TPMT: variants seen among roughly 807,000 people sequenced by gnomAD.
TPMT encodes S-adenosyl-L-methionine:thiopurine S-methyltransferase.
A neutral mutation model predicts 34.2 loss-of-function variants in TPMT; 18 were observed. The observed-to-expected ratio is 0.53, with a 90% CI of 0.36 to 0.78. The LOEUF is 0.78. TPMT is among the 30% of genes least tolerant of loss of function. The pLI, the probability that TPMT is intolerant of heterozygous loss-of-function variation, is 0.00. For synonymous variants in TPMT, 69 were observed against 92.4 expected (o/e 0.75, Z 1.45); for missense variants, 265 against 288.1 (o/e 0.92, Z 0.58).
At position 18,146,166 on chromosome 6, in the gene TPMT, C is replaced by CAT. The variant is rs561680835; in HGVS notation, c.233+1655_233+1656dup. On this transcript the variant is annotated intron_variant, in intron 3 of 8. Transcript: ENST00000309983. The surrounding 1 kb of genome is among the most constrained non-coding windows in gnomAD (Gnocchi z 6.2). ...TACATGTAATTACAGTAGCTCAGTT[C>CAT]ATATATATATATACATAAAAATAAC... 5.6e-4 allele frequency among the ~76,000 whole-genome samples: 80 copies of CAT among 143,280 alleles called. No individual in the cohort carries two copies. Among genetic ancestry groups the CAT allele is most frequent in the East Asian group, 1.7e-3 (9 of 5,146 alleles). 94.0% of individuals were successfully genotyped at this position (143,280 alleles called of 152,430 possible). A position where few individuals can be genotyped will look rare whatever the true frequency, so the allele number is the denominator to read the frequency against.
At chr6:18,134,461 C>CA (rs11390495) in intron 6 of TPMT, among the ~76,000 whole-genome samples, 91,785 of 151,692 alleles carry the variant, frequency 0.61, 29,873 homozygotes, top group East Asian at 0.8. Context: ...ACAAGCAGGC[C>CA]AAAAAAAGGT....
chr6:18,141,860 C>T (rs1176120217), intron 4 of TPMT, among the ~76,000 whole-genome samples: 3 of 152,164 alleles, frequency 2.0e-5, no homozygotes, highest in African/African-American at 4.8e-5. Context: ...CCTATAAAAT[C>T]GAGCTGCAGA....
chr6:18,139,683 C>T lies in TPMT; in HGVS notation c.401G>A (p.Ser134Asn), dbSNP rs1784107463. 1 of 1,613,526 alleles carries T rather than the reference C, an allele frequency of 6.2e-7. No homozygotes were observed. The highest frequency in any genetic ancestry group is 8.5e-7 in the Non-Finnish European group (1 of 1,179,810). ...AACCTACCTGGGAAGATCAAAAATA[C>T]TGCAACAGTACAATGAAATGTTCCC... is the stretch of plus-strand genomic sequence containing the variant. ...SSGNISLYCC[S>N]IFDLPRTNIG... Residue 134 changes from serine (S) to asparagine (N), a missense_variant, in exon 5 of 9, where the codon AGT becomes AAT. Ser to Asn is a conservative substitution (Grantham distance 46). Transcript: ENST00000309983. The surrounding 1 kb of genome is among the most constrained non-coding windows in gnomAD (Gnocchi z 4.2).
rs1278220795 is a variant in TPMT at position 18,129,341 on chromosome 6, G to C, written c.*1327C>G. 6.6e-6 allele frequency: 1 copy of C among 152,214 alleles called. No homozygotes were observed. The highest frequency in any genetic ancestry group is 2.1e-4 in the South Asian group (1 of 4,832). 9.4% of individuals were successfully genotyped at this position (152,214 alleles called of 1,614,324 possible). ...TACATGCAGGCCAAGGGGAACTAGAGAGGCTGACAAGACATATCTCTGGGG... is the reference window on the plus strand; with the variant it reads ...TACATGCAGGCCAAGGGGAACTAGACAGGCTGACAAGACATATCTCTGGGG... On this transcript the variant is annotated 3_prime_UTR_variant, in exon 9 of 9. Transcript: ENST00000309983.
rs55661878 is a variant in TPMT, at chr6:18,129,751, T to C, written c.*917A>G. 1.3e-5 allele frequency: 2 copies of C among 152,182 alleles called. No homozygotes were observed. Among genetic ancestry groups the C allele is most frequent in the East Asian group, 3.8e-4 (2 of 5,196 alleles). 9.4% of individuals were successfully genotyped at this position (152,182 alleles called of 1,614,324 possible). A position where few individuals can be genotyped will look rare whatever the true frequency, so the allele number is the denominator to read the frequency against. Reference sequence around the variant, plus strand: ...AAAATTTATTCTTAGAATTTGGGAATGTTTGTTCCATATAGATTGTTTAAT... The same window carrying C: ...AAAATTTATTCTTAGAATTTGGGAACGTTTGTTCCATATAGATTGTTTAAT... On this transcript the variant is annotated 3_prime_UTR_variant, in exon 9 of 9. Transcript: ENST00000309983.
At position 18,137,757 on chromosome 6, in the gene TPMT, T is replaced by C. The variant is rs182517269; in HGVS notation, c.494+1206A>G. On this transcript the variant is annotated intron_variant, in intron 6 of 8. Transcript: ENST00000309983. ...CCCACAAAAATCCTTTGAGGTAGTC[T>C]AACAAAGGGATCATGAGTGTGGACT... Among the ~76,000 whole-genome samples the C allele has an allele frequency of 1.9e-3, 293 of 152,324 alleles. 2 individuals are homozygous for C. The highest frequency in any genetic ancestry group is 3.6e-3 in the Non-Finnish European group (243 of 68,028).
At chr6:18,133,706 G>A (rs1284217760) in intron 7 of TPMT, 98 bp downstream of exon 7, 2 of 915,794 alleles carry the variant, frequency 2.2e-6, no homozygotes, top group East Asian at 2.6e-5. Flanking sequence ...CTTCCTATGA[G>A]ATAAATTAGG....
chr6:18,141,050 G>A (rs1219175606), intron 4 of TPMT, among the ~76,000 whole-genome samples: 1 of 152,164 alleles, frequency 6.6e-6, no homozygotes, highest in African/African-American at 2.4e-5. Flanking sequence ...CCTGCAGATT[G>A]GAATCAAGGG....
At position 18,129,674 on chromosome 6, in the gene TPMT, CAG is replaced by C. The variant is rs1231571741; in HGVS notation, c.*992_*993del. Reference sequence around the variant, plus strand: ...ATTTTATAAGACCTGATGATTTAAACAGATTAAATTATAAAAAACAACAATTG... The same window carrying C: ...ATTTTATAAGACCTGATGATTTAAACATTAAATTATAAAAAACAACAATTG... On this transcript the variant is annotated 3_prime_UTR_variant, in exon 9 of 9. Transcript: ENST00000309983. 2 of 152,080 alleles carry C rather than the reference CAG, an allele frequency of 1.3e-5. No homozygotes were observed. Among genetic ancestry groups the C allele is most frequent in the Non-Finnish European group, 2.9e-5 (2 of 68,012 alleles). 9.4% of individuals were successfully genotyped at this position (152,080 alleles called of 1,614,324 possible). A position where few individuals can be genotyped will look rare whatever the true frequency, so the allele number is the denominator to read the frequency against.
Position 18,135,392 on chromosome 6 carries a change from C to T in TPMT, c.495-1503G>A, listed in dbSNP as rs995261290. On this transcript the variant is annotated intron_variant, in intron 6 of 8. Coordinates refer to ENST00000309983, the MANE Select transcript of TPMT (RefSeq NM_000367.5). The surrounding 1 kb of genome is among the most constrained non-coding windows in gnomAD (Gnocchi z 5.0). ...GTCCAGAAAAATGAGGTCTGCCCTA[C>T]TGGTTTACATTAGGCAAGAACTCGA... 6.6e-6 allele frequency among the ~76,000 whole-genome samples: 1 copy of T among 152,184 alleles called. No homozygotes were observed. Among genetic ancestry groups the T allele is most frequent in the Non-Finnish European group, 1.5e-5 (1 of 68,044 alleles).
intron 4 of TPMT, among the ~76,000 whole-genome samples, chr6:18,141,101 G>C (rs1784130584): frequency 6.6e-6 from 1 of 152,120 alleles, no homozygotes; most frequent in South Asian, 2.1e-4. Flanking sequence ...TACCCCTATA[G>C]ATTCTGATAT....
chr6:18,138,921 A>G lies in TPMT; in HGVS notation c.494+42T>C, dbSNP rs376140800. Reference sequence around the variant, plus strand: ...GAACCCAGAAAAAGTATAGTATACTAAAAAATTAAGACAGCTAAACAAAAA... The same window carrying G: ...GAACCCAGAAAAAGTATAGTATACTGAAAAATTAAGACAGCTAAACAAAAA... On this transcript the variant is annotated intron_variant, in intron 6 of 8. Coordinates refer to ENST00000309983, the MANE Select transcript of TPMT (RefSeq NM_000367.5). The surrounding 1 kb of genome is among the most constrained non-coding windows in gnomAD (Gnocchi z 4.1). 18 of 1,548,760 alleles carry G rather than the reference A, an allele frequency of 1.2e-5. No individual in the cohort carries two copies. Among genetic ancestry groups the G allele is most frequent in the Non-Finnish European group, 1.6e-5 (18 of 1,123,838 alleles).
chr6:18,140,436 T>C lies in TPMT; in HGVS notation c.367-719A>G, dbSNP rs1033350182. ...CAGGTGTGGCAGCTTACACCTGTAA[T>C]TCCAGCACTTTGGGAGGCTGAAGCA... is the stretch of plus-strand genomic sequence containing the variant. On this transcript the variant is annotated intron_variant, in intron 4 of 8. Coordinates refer to ENST00000309983, the MANE Select transcript of TPMT (RefSeq NM_000367.5). This position sits in a 1 kb window ranked among gnomAD's most constrained non-coding sequence, Gnocchi z 4.7. Among the ~76,000 whole-genome samples the C allele has an allele frequency of 6.6e-6, 1 of 152,132 alleles. No homozygotes were observed. Among genetic ancestry groups the C allele is most frequent in the Non-Finnish European group, 1.5e-5 (1 of 68,028 alleles).
chr6:18,147,737 G>T, intron 3 of TPMT, 86 bp downstream of exon 3: 1 of 1,212,516 alleles, frequency 8.2e-7, no homozygotes, highest in Non-Finnish European at 1.2e-6. Context: ...CCTGAAAATG[G>T]AGTTTTAAAA....
In TPMT at chr6:18,150,263, C is replaced by G. The variant is rs1309503922; in HGVS notation, c.-44-1092G>C. On this transcript the variant is annotated intron_variant, in intron 1 of 8. Coordinates refer to ENST00000309983, the MANE Select transcript of TPMT (RefSeq NM_000367.5). The surrounding 1 kb of genome is among the most constrained non-coding windows in gnomAD (Gnocchi z 5.3). ...TATACTTGAAGAGATGTGTTAGCTA[C>G]AGGACCTTCACCTGTTGAGCTATTA... Among the ~76,000 whole-genome samples the G allele has an allele frequency of 5.9e-5, 9 of 152,224 alleles. No homozygotes were observed. Among genetic ancestry groups the G allele is most frequent in the African/African-American group, 2.2e-4 (9 of 41,456 alleles).
In TPMT at chr6:18,139,896, G is replaced by A. The variant is rs189119558; in HGVS notation, c.367-179C>T. On this transcript the variant is annotated intron_variant, in intron 4 of 8. Coordinates refer to ENST00000309983, the MANE Select transcript of TPMT (RefSeq NM_000367.5). This position sits in a 1 kb window ranked among gnomAD's most constrained non-coding sequence, Gnocchi z 4.2. ...ACCTTATTTTTTTCTTTTAAAACCT[G>A]TGCGAGGTTCTTTTGGGCCAACTCA... 1.4e-4 allele frequency among the ~76,000 whole-genome samples: 21 copies of A among 152,176 alleles called. No individual in the cohort carries two copies. The highest frequency in any genetic ancestry group is 2.0e-4 in the Admixed American group (3 of 15,288).
In TPMT at chr6:18,143,552, T is replaced by C; in HGVS notation, c.366+44A>G. 3.1e-6 allele frequency: 5 copies of C among 1,611,040 alleles called. No homozygotes were observed. The highest frequency in any genetic ancestry group is 4.2e-6 in the Non-Finnish European group (5 of 1,179,560). On this transcript the variant is annotated intron_variant, in intron 4 of 8. Transcript: ENST00000309983. The surrounding 1 kb of genome is among the most constrained non-coding windows in gnomAD (Gnocchi z 6.1). ...ATAATACTCACACTGAGAAAAACTTTTGTGGGGATATGGATACAATTATTT... is the reference window on the plus strand; with the variant it reads ...ATAATACTCACACTGAGAAAAACTTCTGTGGGGATATGGATACAATTATTT...
rs764606523 is a variant in TPMT, at chr6:18,143,645, G to A, written c.317C>T (p.Ser106Phe). The A allele has an allele frequency of 1.2e-6, 2 of 1,613,672 alleles. No homozygotes were observed. The highest frequency in any genetic ancestry group is 1.7e-6 in the Non-Finnish European group (2 of 1,179,998). Residue 106 changes from serine to phenylalanine, a missense_variant, in exon 4 of 9, where the codon TCT becomes TTT. Coordinates refer to ENST00000309983, the MANE Select transcript of TPMT (RefSeq NM_000367.5). The surrounding 1 kb of genome is among the most constrained non-coding windows in gnomAD (Gnocchi z 6.1). ...TTCGGTGATTGGTTCTTCTGAGTAA[G>A]AAAGATTCTGCTCTGTAAAAAATTC... The part of the protein sequence containing the change: ...IQEFFTEQNL[S>F]YSEEPITEIP...
chr6:18,136,054 C>A lies in TPMT; in HGVS notation c.495-2165G>T, dbSNP rs1784036743. Among the ~76,000 whole-genome samples, 1 of 152,154 alleles carries A rather than the reference C, an allele frequency of 6.6e-6. No homozygotes were observed. Among genetic ancestry groups the A allele is most frequent in the Non-Finnish European group, 1.5e-5 (1 of 68,022 alleles). The stretch of plus-strand genomic sequence containing the variant: ...TCAGGTGATCTGCCCACCTCAGCCT[C>A]CCAAAGTGCTGGGTCCGCTCTTGGT... On this transcript the variant is annotated intron_variant, in intron 6 of 8. Coordinates refer to ENST00000309983, the MANE Select transcript of TPMT (RefSeq NM_000367.5). The surrounding 1 kb of genome is among the most constrained non-coding windows in gnomAD (Gnocchi z 4.7).
Sources: gnomAD v4.1 joint callset for allele counts (sites outside exome capture counted in the v4.1 genomes callset) on GRCh38, gnomAD v4.1.1 for gene constraint, Gnocchi (gnomAD v3.1) non-coding constraint, MANE v1.5 for transcripts, NCBI Gene and HGNC (gene_info 2026-07-23, HGNC 2026-07-21) for gene names.